The following NFIB variants were observed in gnomAD, a reference collection of about 807,000 sequenced individuals.
NFIB encodes nuclear factor 1 B-type.
A neutral mutation model predicts 61.5 loss-of-function variants in NFIB; 11 were observed. The ratio of observed to expected loss-of-function variants is 0.18; its 90% CI spans 0.11 to 0.30. NFIB has a LOEUF of 0.30. Among genes scored for constraint, NFIB ranks in the 10% least tolerant of loss-of-function variants. The pLI, the probability that NFIB is intolerant of heterozygous loss-of-function variation, is 1.00. For synonymous variants in NFIB, 260 were observed against 216.5 expected, an observed-to-expected ratio of 1.20 and a Z score of -1.76; for missense variants, 471 against 608.9, an observed-to-expected ratio of 0.77 and a Z score of 2.38.
chr9:14,380,604 G>C (rs921751166), intron 1 of NFIB, among the ~76,000 whole-genome samples: 1 of 152,126 alleles, frequency 6.6e-6, no homozygotes, highest in Admixed American at 6.5e-5. Context: ...ATTACAGGAA[G>C]CAGCTGTCTA....
At chr9:14,525,464 G>C in the NFIB span, among the ~76,000 whole-genome samples, 1 of 152,236 alleles carries the variant, frequency 6.6e-6, no homozygotes, top group East Asian at 1.9e-4. Flanking sequence ...AGTGGTTCTG[G>C]TAATGTCTAT....
chr9:14,303,285 G>C (rs1385248754), intron 2 of NFIB, among the ~76,000 whole-genome samples: 1 of 152,158 alleles, frequency 6.6e-6, no homozygotes, highest in African/African-American at 2.4e-5. Context: ...ATTACGTTAG[G>C]TTTGTCCTCC....
At chr9:14,375,642 G>C (rs1199495503) in intron 1 of NFIB, among the ~76,000 whole-genome samples, 1 of 151,172 alleles carries the variant, frequency 6.6e-6, no homozygotes, top group East Asian at 1.9e-4. Context: ...TGGGCAAAAA[G>C]AGCAAAAACT....
At chr9:14,228,392 C>T (rs751945776) in intron 2 of NFIB, among the ~76,000 whole-genome samples, 2 of 151,992 alleles carry the variant, frequency 1.3e-5, no homozygotes, top group Non-Finnish European at 2.9e-5. Flanking sequence ...GATAAGGTTT[C>T]ACCACGTTGG....
chr9:14,213,459 G>C (rs1372853003), intron 2 of NFIB, among the ~76,000 whole-genome samples: 1 of 152,212 alleles, frequency 6.6e-6, no homozygotes, highest in Non-Finnish European at 1.5e-5. Context: ...TGTCCTAACA[G>C]AGTTTCTGGC....
the NFIB span, among the ~76,000 whole-genome samples, chr9:14,427,645 G>C: frequency 6.6e-6 from 1 of 152,126 alleles, no homozygotes; most frequent in African/African-American, 2.4e-5. Flanking sequence ...ACCCTCTCCA[G>C]GGTGCTGAGG....
At chr9:14,093,553 A>G (rs1389418158) in intron 10 of NFIB, 1 of 152,134 alleles carries the variant, frequency 6.6e-6, no homozygotes, top group Non-Finnish European at 1.5e-5. Context: ...AAGTATTTTA[A>G]TTTAAAAGAA....
the NFIB span, among the ~76,000 whole-genome samples, chr9:14,435,455 A>T: frequency 1.3e-5 from 2 of 152,246 alleles, no homozygotes; most frequent in Non-Finnish European, 2.9e-5. Flanking sequence ...TGGGCTGCTT[A>T]TTAACCTCTG....
At chr9:14,147,066 C>CA (rs945674052) in intron 5 of NFIB, among the ~76,000 whole-genome samples, 1 of 151,542 alleles carries the variant, frequency 6.6e-6, no homozygotes, top group Non-Finnish European at 1.5e-5. Context: ...AATGTATTTC[C>CA]AAAAAAAATT....
chr9:14,294,503 T>C (rs2059296942), intron 2 of NFIB, among the ~76,000 whole-genome samples: 1 of 152,218 alleles, frequency 6.6e-6, no homozygotes, highest in Non-Finnish European at 1.5e-5. Flanking sequence ...GTTTAAAAAC[T>C]GTGGCTGCAC....
At chr9:14,452,548 A>G in the NFIB span, among the ~76,000 whole-genome samples, 1 of 151,780 alleles carries the variant, frequency 6.6e-6, no homozygotes, top group Admixed American at 6.6e-5. Flanking sequence ...AAGTTAGGTA[A>G]TGATACATCA....
chr9:14,505,177 A>C, the NFIB span, among the ~76,000 whole-genome samples: 1 of 152,120 alleles, frequency 6.6e-6, no homozygotes, highest in Non-Finnish European at 1.5e-5. Context: ...CCTTGGTATG[A>C]AACCCACTTG....
At chr9:14,353,594 T>C (rs2061139981) in intron 1 of NFIB, among the ~76,000 whole-genome samples, 1 of 152,168 alleles carries the variant, frequency 6.6e-6, no homozygotes, top group Non-Finnish European at 1.5e-5. Flanking sequence ...CAGATTTTTC[T>C]TGACGGCCCA....
At chr9:14,191,003 G>T (rs1268511439) in intron 2 of NFIB, among the ~76,000 whole-genome samples, 1 of 152,110 alleles carries the variant, frequency 6.6e-6, no homozygotes, top group Non-Finnish European at 1.5e-5. Context: ...GACCAGCCTG[G>T]CCAACATAAT....
At chr9:14,098,829 A>G (rs188965113) in intron 10 of NFIB, among the ~76,000 whole-genome samples, 1 of 152,358 alleles carries the variant, frequency 6.6e-6, no homozygotes, top group African/African-American at 2.4e-5. Flanking sequence ...ACAGTTCACA[A>G]AACAGTTCAC....
chr9:14,375,531 A>G (rs2061408534), intron 1 of NFIB, among the ~76,000 whole-genome samples: 1 of 152,090 alleles, frequency 6.6e-6, no homozygotes, highest in Admixed American at 6.6e-5. Flanking sequence ...GGAGGTGGGC[A>G]CCTGCAATCC....
At chr9:14,322,518 C>T (rs1267418643) in intron 1 of NFIB, among the ~76,000 whole-genome samples, 1 of 152,098 alleles carries the variant, frequency 6.6e-6, no homozygotes, top group African/African-American at 2.4e-5. Flanking sequence ...CCCTTCCGCG[C>T]CCGGCCCGCG....
chr9:14,292,913 T>C (rs965360167), intron 2 of NFIB, among the ~76,000 whole-genome samples: 2 of 151,952 alleles, frequency 1.3e-5, no homozygotes, highest in African/African-American at 4.8e-5. Flanking sequence ...TGCATCTTAA[T>C]AAACAAAAAA....
Position 14,307,055 on chromosome 9 carries a change from G to C in NFIB, c.496C>G (p.Pro166Ala), listed in dbSNP as rs1291284308. The part of the protein sequence containing the change: ...HCTNPALCVQ[P>A]HHITVSVKEL... The stretch of plus-strand genomic sequence containing the variant: ...TTAACTGATACTGTGATATGATGTG[G>C]CTGGACACAAAGTGCTGGGTTTGTG... The change falls in exon 2 of 11, where the codon CCA (proline) becomes GCA (alanine). Residue 166 changes from proline to alanine, a missense_variant. Pro to Ala is a conservative substitution (Grantham distance 27). Around this residue, in one of 2 missense-constraint regions of NFIB, gnomAD observed 99 missense variants for 213.3 expected, o/e 0.46. Coordinates refer to ENST00000380953, the MANE Select transcript of NFIB (RefSeq NM_001190737.2). The surrounding 1 kb of genome is among the most constrained non-coding windows in gnomAD (Gnocchi z 5.3). 6.2e-7 allele frequency: 1 copy of C among 1,614,182 alleles called. No homozygotes were observed. The highest frequency in any genetic ancestry group is 8.5e-7 in the Non-Finnish European group (1 of 1,180,036).
Sources: allele counts gnomAD v4.1 joint callset (sites outside exome capture counted in the v4.1 genomes callset), GRCh38; gene constraint gnomAD v4.1.1; regional missense constraint gnomAD v4.1.1; non-coding constraint Gnocchi (gnomAD v3.1); transcripts MANE v1.5; gene names NCBI Gene and HGNC (gene_info 2026-07-23, HGNC 2026-07-21).